Variants in SMG5 observed in about 807,000 individuals in gnomAD.
SMG5 encodes SMG5 nonsense mediated mRNA decay factor.
A neutral mutation model predicts 122.9 loss-of-function variants in SMG5; 53 were observed. The observed-to-expected ratio is 0.43, with a 90% CI of 0.35 to 0.54. SMG5 has a LOEUF of 0.54. Among genes scored for constraint, SMG5 ranks in the 20% least tolerant of loss-of-function variants. The probability of loss-of-function intolerance (pLI) is 0.01; values close to 1 mark genes in which losing one functional copy is unlikely to be tolerated. For synonymous variants in SMG5, 477 were observed against 490.2 expected, an observed-to-expected ratio of 0.97 and a Z score of 0.35; for missense variants, 1,153 against 1,285.6, an observed-to-expected ratio of 0.90 and a Z score of 1.58.
chr1:156,266,435 T>A, intron 11 of SMG5, 55 bp from the exon 12 acceptor site: 1 of 1,600,350 alleles, frequency 6.2e-7, no homozygotes, highest in Admixed American at 1.7e-5. Context: ...GCCTGGAAGC[T>A]GGAATGTGCT....
upstream of SMG5, among the ~76,000 whole-genome samples, chr1:156,284,063 A>G (rs1017224369): frequency 1.3e-5 from 2 of 152,146 alleles, no homozygotes; most frequent in Admixed American, 6.5e-5. Context: ...TACTCCGAGC[A>G]CCCTTTGTTG....
At chr1:156,251,191 G>C (rs1558230845) in intron 20 of SMG5, 195 bp from the exon 21 acceptor site, 5 of 909,332 alleles carry the variant, frequency 5.5e-6, no homozygotes, top group Non-Finnish European at 8.4e-6. Flanking sequence ...CCTGAGCATC[G>C]CAAGGCCCAA....
chr1:156,279,006 C>A lies in SMG5; in HGVS notation c.103G>T (p.Asp35Tyr). The part of the protein sequence containing the change: ...RAVVEAVHRL[D>Y]LILCNKTAYQ... ...GCAGTTTTGTTGCAAAGGATGAGGT[C>A]AAGTCGATGCACAGCCTCCACCACA... Residue 35 changes from aspartate (D) to tyrosine (Y), a missense_variant, in exon 2 of 22, where the codon GAC becomes TAC. Physicochemically the swap from Asp to Tyr is radical, Grantham distance 160. Around this residue, in one of 5 missense-constraint regions of SMG5, gnomAD observed 213 missense variants for 197.5 expected, o/e 1.08. Coordinates refer to ENST00000361813, the MANE Select transcript of SMG5 (RefSeq NM_015327.3). The A allele has an allele frequency of 6.2e-7, 1 of 1,614,140 alleles. No homozygotes were observed. Among genetic ancestry groups the A allele is most frequent in the South Asian group, 1.1e-5 (1 of 91,070 alleles).
intron 17 of SMG5, among the ~76,000 whole-genome samples, 169 bp from the exon 18 acceptor site, chr1:156,253,247 A>G (rs1661433216): frequency 6.6e-6 from 1 of 152,176 alleles, no homozygotes; most frequent in African/African-American, 2.4e-5. Context: ...TAAGAGTTAA[A>G]GAGGGAGAGA....
chr1:156,263,317 T>C, intron 13 of SMG5, 78 bp downstream of exon 13: 1 of 1,481,468 alleles, frequency 6.8e-7, no homozygotes, highest in Non-Finnish European at 9.2e-7. Context: ...TCAGGGGGGA[T>C]CCTCAGGCCC....
At chr1:156,278,174 C>G in intron 2 of SMG5, 126 bp from the exon 3 acceptor site, 2 of 1,256,790 alleles carry the variant, frequency 1.6e-6, no homozygotes, top group East Asian at 2.5e-5. Flanking sequence ...AAGAGACATG[C>G]AGGGTCAATA....
chr1:156,250,990 G>T lies in SMG5; in HGVS notation c.2835C>A (p.Leu945=), dbSNP rs1211829783. The part of the protein sequence containing the change: ...LKRQDADAWT[L]YKILDSCKQL... ...GTTTGCAGCTGTCTAGGATCTTATA[G>T]AGAGTCCTGGGGATGGGGGGCAGAG... Residue 945 remains leucine, a synonymous_variant, in exon 21 of 22, where the codon CTC becomes CTA. Transcript: ENST00000361813. 8 of 1,613,674 alleles carry T rather than the reference G, an allele frequency of 5.0e-6. No homozygotes were observed. The South Asian group carries it at 5.5e-5, about 11-fold the overall frequency.
At chr1:156,254,959 G>T (rs1050921443) in intron 16 of SMG5, among the ~76,000 whole-genome samples, 3 of 151,456 alleles carry the variant, frequency 2.0e-5, no homozygotes, top group Admixed American at 1.3e-4. Context: ...GTGTGGTCAC[G>T]GGCACCTATA....
In SMG5 at chr1:156,266,310, G is replaced by A. The variant is rs1336560007; in HGVS notation, c.1326C>T (p.Pro442=). Reference sequence around the variant, plus strand: ...GGCTCTTTCTGCCCTCACCCACTTGGGGTGTTACAGGAGGAGGCTCAGGAT... The same window carrying A: ...GGCTCTTTCTGCCCTCACCCACTTGAGGTGTTACAGGAGGAGGCTCAGGAT... ...EPDPEPPPVT[P]QVGEGRKSRK... is the part of the protein sequence containing the mutation. The change falls in exon 12 of 22, where the codon CCC becomes CCT. Residue 442 remains proline, a synonymous_variant. Coordinates refer to ENST00000361813, the MANE Select transcript of SMG5 (RefSeq NM_015327.3). The A allele has an allele frequency of 6.2e-7, 1 of 1,614,160 alleles. No homozygotes were observed. Among genetic ancestry groups the A allele is most frequent in the Non-Finnish European group, 8.5e-7 (1 of 1,180,032 alleles).
chr1:156,289,599 G>A, the SMG5 span, among the ~76,000 whole-genome samples: 29 of 152,238 alleles, frequency 1.9e-4, no homozygotes, highest in African/African-American at 7.0e-4. Context: ...GCGACAGAGC[G>A]AGACTCTGTC....
At chr1:156,252,262 GGT>G in intron 19 of SMG5, 150 bp downstream of exon 19, 1 of 647,356 alleles carries the variant, frequency 1.5e-6, no homozygotes, top group Non-Finnish European at 2.7e-6. Context: ...AATTATCTCT[GGT>G]ATCACTCCCC....
intron 7 of SMG5, among the ~76,000 whole-genome samples, chr1:156,270,818 A>G (rs1662377118): frequency 1.3e-5 from 2 of 152,152 alleles, no homozygotes; most frequent in African/African-American, 4.8e-5. Flanking sequence ...GACCAGCCTG[A>G]GCAACATGGA....
intron 20 of SMG5, 33 bp from the exon 21 acceptor site, chr1:156,251,029 A>G: frequency 6.2e-7 from 1 of 1,607,700 alleles, no homozygotes; most frequent in Non-Finnish European, 8.5e-7. Context: ...AAGATGGGCC[A>G]AGACCCAGCA....
rs770065684 is a variant in SMG5 at position 156,277,912 on chromosome 1, G to A, written c.297+13C>T. ...CCTTGGCTTTCCCTCTTTAGACAAG[G>A]ACTTCCCCTTACCTTTTTGTTAGTC... On this transcript the variant is annotated intron_variant, in intron 3 of 21. Transcript: ENST00000361813. 6.2e-7 allele frequency: 1 copy of A among 1,613,514 alleles called. No homozygotes were observed. The highest frequency in any genetic ancestry group is 1.1e-5 in the South Asian group (1 of 91,046).
intron 9 of SMG5, 63 bp downstream of exon 9, chr1:156,268,052 T>C (rs1197193415): frequency 4.5e-6 from 7 of 1,551,644 alleles, no homozygotes; most frequent in African/African-American, 1.4e-5. Flanking sequence ...TCAAGGTTCC[T>C]TCTGTAAAGC....
chr1:156,288,880 T>G, the SMG5 span, among the ~76,000 whole-genome samples: 1 of 152,194 alleles, frequency 6.6e-6, no homozygotes. Context: ...TGGTTTCAGA[T>G]AGAAGTTGGC....
chr1:156,259,578 G>A (rs1661724446), intron 15 of SMG5, among the ~76,000 whole-genome samples: 1 of 152,068 alleles, frequency 6.6e-6, no homozygotes, highest in African/African-American at 2.4e-5. Context: ...TACCCAGTCT[G>A]GAGTGCAGTG....
intron 12 of SMG5, among the ~76,000 whole-genome samples, chr1:156,265,339 A>G (rs1662076742): frequency 6.6e-6 from 1 of 152,178 alleles, no homozygotes; most frequent in African/African-American, 2.4e-5. Context: ...TGATGCATAG[A>G]GTAGCCTTAA....
chr1:156,273,286 C>T lies in SMG5; in HGVS notation c.634+75G>A, dbSNP rs1352846831. The T allele has an allele frequency of 3.2e-5, 38 of 1,200,414 alleles. No homozygotes were observed. In the South Asian group the frequency reaches 4.0e-4, roughly 13 times the overall value. The allele number at this position is 1,200,414 out of a possible 1,614,324, so 74.4% of individuals were successfully genotyped here. ...AGCTGGGGAAAATGAGTATGAACTG[C>T]CTGCCATCTCAACAACATCGTCTTC... On this transcript the variant is annotated intron_variant, in intron 6 of 21. Transcript: ENST00000361813.
Sources: allele counts gnomAD v4.1 joint callset (sites outside exome capture counted in the v4.1 genomes callset), GRCh38; gene constraint gnomAD v4.1.1; regional missense constraint gnomAD v4.1.1; transcripts MANE v1.5; gene names NCBI Gene and HGNC (gene_info 2026-07-23, HGNC 2026-07-21).